The following C6orf89 variants were observed in gnomAD, a reference collection of about 807,000 sequenced individuals.
C6orf89 encodes chromosome 6 open reading frame 89, also known as bombesin receptor-activated protein C6orf89.
C6orf89 carries 29 observed loss-of-function variants against 40.7 expected under a neutral mutation model. That is an observed-to-expected ratio of 0.71 (90% CI 0.53 to 0.97). The LOEUF (loss-of-function observed/expected upper bound fraction) is 0.97, where lower values mean the gene tolerates loss of function less well. Among genes scored for constraint, C6orf89 ranks in the 50% least tolerant of loss-of-function variants. C6orf89 has a pLI of 0.00. For missense variants in C6orf89, 392 were observed against 429.1 expected (o/e 0.91, Z 0.76); for synonymous variants, 165 against 152.2 (o/e 1.08, Z -0.62).
At position 36,925,820 on chromosome 6, in the gene C6orf89, C is replaced by T. The variant is rs2150722496; in HGVS notation, c.*2379C>T. On this transcript the variant is annotated 3_prime_UTR_variant, in exon 9 of 9. Coordinates refer to ENST00000480824, the MANE Select transcript of C6orf89 (RefSeq NM_001286635.2). ...CTAGCTGGAAGCATCAAAAGTCCCT[C>T]TGTATGACCCGGTGTGGGAAAGAGG... 6.6e-6 allele frequency: 1 copy of T among 152,336 alleles called. No homozygotes were observed. Among genetic ancestry groups the T allele is most frequent in the East Asian group, 1.9e-4 (1 of 5,182 alleles). The allele number at this position is 152,336 out of a possible 1,614,324, so 9.4% of individuals were successfully genotyped here. A position where few individuals can be genotyped will look rare whatever the true frequency, so the allele number is the denominator to read the frequency against.
chr6:36,873,824 G>A (rs1561850464), intron 1 of C6orf89, among the ~76,000 whole-genome samples: 1 of 152,176 alleles, frequency 6.6e-6, no homozygotes, highest in Non-Finnish European at 1.5e-5. Context: ...CTGTTGAGGG[G>A]AGAATGGCAG....
chr6:36,885,967 C>T lies in C6orf89; in HGVS notation c.-181C>T, dbSNP rs1015279000. 3 of 1,269,016 alleles carry T rather than the reference C, an allele frequency of 2.4e-6. No individual in the cohort carries two copies. The highest frequency in any genetic ancestry group is 1.6e-5 in the African/African-American group (1 of 64,466). The allele number at this position is 1,269,016 out of a possible 1,614,324, so 78.6% of individuals were successfully genotyped here. The stretch of plus-strand genomic sequence containing the variant: ...TCCCGGAAACAGGAAGTTGCCCATC[C>T]TCCTCGCCCGGCGGCAGCTGTCCCC... On this transcript the variant is annotated 5_prime_UTR_variant, in exon 1 of 9. Coordinates refer to ENST00000480824, the MANE Select transcript of C6orf89 (RefSeq NM_001286635.2).
At chr6:36,917,107 T>C (rs1440740542) in intron 7 of C6orf89, among the ~76,000 whole-genome samples, 3 of 152,178 alleles carry the variant, frequency 2.0e-5, no homozygotes, top group Non-Finnish European at 4.4e-5. Context: ...ATAGAATAAC[T>C]GCTCCATTTT....
At chr6:36,880,649 C>G (rs1480071858) in intron 2 of C6orf89, among the ~76,000 whole-genome samples, 2 of 152,158 alleles carry the variant, frequency 1.3e-5, no homozygotes, top group Admixed American at 1.3e-4. Flanking sequence ...CTATATGCTT[C>G]AAGGTCATAA....
intron 4 of C6orf89, among the ~76,000 whole-genome samples, chr6:36,905,518 C>T (rs1761895704): frequency 6.6e-6 from 1 of 152,226 alleles, no homozygotes; most frequent in Non-Finnish European, 1.5e-5. Context: ...ATTTTCCCGA[C>T]CTGGTGTTGT....
At chr6:36,903,186 G>A (rs1455712343) in intron 4 of C6orf89, among the ~76,000 whole-genome samples, 4 of 152,068 alleles carry the variant, frequency 2.6e-5, no homozygotes, top group Admixed American at 6.6e-5. Context: ...AGGAGTTCAA[G>A]ACCAGCCTGG....
rs980410590 is a variant in C6orf89, at chr6:36,871,965, C to T, written c.-630C>T. On this transcript the variant is annotated splice_region_variant and 5_prime_UTR_variant, in exon 1 of 10. Transcript: ENST00000359359. The stretch of plus-strand genomic sequence containing the variant: ...TGCTCCAGGACTCTTGATTTTCAAG[C>T]TTGTAAGTCATGAAATTGTGATAAC... 90 of 1,181,410 alleles carry T rather than the reference C, an allele frequency of 7.6e-5. No homozygotes were observed. The African/African-American group carries it at 1.4e-3, about 18-fold the overall frequency. 73.2% of individuals were successfully genotyped at this position (1,181,410 alleles called of 1,614,324 possible).
rs567946427 is a variant in C6orf89 at position 36,889,075 on chromosome 6, A to G, written c.-120+3047A>G. On this transcript the variant is annotated intron_variant, in intron 1 of 8. Coordinates refer to ENST00000480824, the MANE Select transcript of C6orf89 (RefSeq NM_001286635.2). ...TGGAGAAGAGATTTGGGAATCACCA[A>G]TAGCTGGTGGTCAAAGTGTTGGAGG... is the stretch of plus-strand genomic sequence containing the variant. 3.3e-5 allele frequency among the ~76,000 whole-genome samples: 5 copies of G among 152,332 alleles called. No individual in the cohort carries two copies. The South Asian group carries it at 8.3e-4, about 25-fold the overall frequency.
In C6orf89 at chr6:36,894,512, G is replaced by A. The variant is rs1471621229; in HGVS notation, c.-111G>A. On this transcript the variant is annotated 5_prime_UTR_variant, in exon 2 of 9. Coordinates refer to ENST00000480824, the MANE Select transcript of C6orf89 (RefSeq NM_001286635.2). The stretch of plus-strand genomic sequence containing the variant: ...CTTTACTCTATTTGCAGGAATCATT[G>A]TAGTCAATCATTTTCCAGTTCTCAG... 2.0e-6 allele frequency: 2 copies of A among 984,958 alleles called. No individual in the cohort carries two copies. Among genetic ancestry groups the A allele is most frequent in the Non-Finnish European group, 2.4e-6 (2 of 829,660 alleles). 61.0% of individuals were successfully genotyped at this position (984,958 alleles called of 1,614,324 possible).
intron 2 of C6orf89, among the ~76,000 whole-genome samples, chr6:36,880,300 AC>A (rs1380881182): frequency 6.6e-6 from 1 of 152,206 alleles, no homozygotes; most frequent in Non-Finnish European, 1.5e-5. Flanking sequence ...GGCACCAGAA[AC>A]CCTTTTCCTG....
chr6:36,882,027 GTTT>G (rs1774826597), upstream of C6orf89, among the ~76,000 whole-genome samples: 4 of 151,898 alleles, frequency 2.6e-5, no homozygotes, highest in South Asian at 8.3e-4. Context: ...ATAATGAAAG[GTTT>G]TTGTTTACCT....
At chr6:36,894,630 T>C in intron 2 of C6orf89, 27 bp downstream of exon 2, 6 of 897,532 alleles carry the variant, frequency 6.7e-6, no homozygotes, top group Non-Finnish European at 8.0e-6. Flanking sequence ...GCAACAACCC[T>C]GAAGTCAGGA....
intron 1 of C6orf89, chr6:36,892,919 T>C (rs1761265221): frequency 6.6e-6 from 1 of 152,052 alleles, no homozygotes; most frequent in African/African-American, 2.4e-5. Flanking sequence ...TGATGCATAG[T>C]AATGACCTTA....
chr6:36,882,549 T>C (rs1045068691), upstream of C6orf89, among the ~76,000 whole-genome samples: 1 of 152,138 alleles, frequency 6.6e-6, no homozygotes, highest in African/African-American at 2.4e-5. Flanking sequence ...GATAAAATAA[T>C]CCAAATTTAA....
upstream of C6orf89, among the ~76,000 whole-genome samples, chr6:36,883,034 C>T (rs888733894): frequency 6.6e-6 from 1 of 152,106 alleles, no homozygotes; most frequent in African/African-American, 2.4e-5. Flanking sequence ...CCACCGCGCC[C>T]GGCCTGAATT....
Position 36,924,195 on chromosome 6 carries a change from C to G in C6orf89, c.*754C>G, listed in dbSNP as rs1022552168. ...GGCTTCTCAGAAGCTCGGCCCTAGT[C>G]CTCCCTGCCTTGGCGGGGCCAGAGC... is the stretch of plus-strand genomic sequence containing the variant. On this transcript the variant is annotated 3_prime_UTR_variant, in exon 9 of 9. Transcript: ENST00000480824. 1 of 154,670 alleles carries G rather than the reference C, an allele frequency of 6.5e-6. No individual in the cohort carries two copies. The highest frequency in any genetic ancestry group is 1.4e-5 in the Non-Finnish European group (1 of 69,658). 9.6% of individuals were successfully genotyped at this position (154,670 alleles called of 1,614,324 possible).
At chr6:36,900,447 C>A (rs752956552) in intron 3 of C6orf89, among the ~76,000 whole-genome samples, 14 of 151,394 alleles carry the variant, frequency 9.2e-5, no homozygotes, top group African/African-American at 2.4e-4. Context: ...GGTGATCTGC[C>A]CTCCTCGGCT....
intron 1 of C6orf89, among the ~76,000 whole-genome samples, chr6:36,891,402 ATTTGGGTTGGTTCCAAGTC>A (rs1561859401): frequency 6.6e-6 from 1 of 152,208 alleles, no homozygotes; most frequent in African/African-American, 2.4e-5. Context: ...ATTGATGGAC[ATTTGGGTTGGTTCCAAGTC>A]TTTGCTATTT....
intron 2 of C6orf89, among the ~76,000 whole-genome samples, chr6:36,898,838 AAAG>A (rs1194603245): frequency 1.3e-5 from 2 of 152,212 alleles, no homozygotes; most frequent in Admixed American, 6.5e-5. Context: ...AAATTAAAAA[AAAG>A]AAGAAGAAAG....
Sources: gnomAD v4.1 joint callset for allele counts (sites outside exome capture counted in the v4.1 genomes callset) on GRCh38, gnomAD v4.1.1 for gene constraint, MANE v1.5 for transcripts, NCBI Gene and HGNC (gene_info 2026-07-23, HGNC 2026-07-21) for gene names.